Variants in CLK3 observed in about 807,000 individuals in gnomAD.
The protein encoded by CLK3 is dual specificity protein kinase CLK3.
A neutral mutation model predicts 65.2 loss-of-function variants in CLK3; 24 were observed. The observed-to-expected ratio is 0.37, with a 90% confidence interval of 0.27 to 0.52. The LOEUF (loss-of-function observed/expected upper bound fraction) is 0.52, where lower values mean the gene tolerates loss of function less well. CLK3 is among the 20% of genes least tolerant of loss of function. The pLI is 0.92. For synonymous variants in CLK3, 252 were observed against 240.8 expected, an observed-to-expected ratio of 1.05 and a Z score of -0.43; for missense variants, 506 against 660.0, an observed-to-expected ratio of 0.77 and a Z score of 2.56.
chr15:74,618,357 T>G (rs756462765), intron 1 of CLK3, among the ~76,000 whole-genome samples: 1 of 152,104 alleles, frequency 6.6e-6, no homozygotes, highest in Non-Finnish European at 1.5e-5. Flanking sequence ...GTGGGGCTCT[T>G]TTACCTGCCA....
upstream of CLK3, among the ~76,000 whole-genome samples, chr15:74,612,348 G>GA (rs1034826952): frequency 2.6e-4 from 40 of 152,170 alleles, no homozygotes; most frequent in Non-Finnish European, 1.2e-4. Flanking sequence ...TGGAGGCCCT[G>GA]ACGGACCTCT....
intron 3 of CLK3, chr15:74,620,578 G>A: frequency 2.8e-6 from 1 of 359,254 alleles, no homozygotes; most frequent in Non-Finnish European, 5.2e-6. Context: ...TGGCTGGTAT[G>A]GTGGTCTGCA....
Position 74,627,343 on chromosome 15 carries a change from C to T in CLK3, c.818-9C>T, listed in dbSNP as rs374960235. The T allele has an allele frequency of 1.6e-5, 26 of 1,609,812 alleles. No individual in the cohort carries two copies. The African/African-American group carries it at 3.1e-4, about 19-fold the overall frequency. Reference sequence around the variant, plus strand: ...GTGCCTACTTCCCCTTCTTTCCCTGCTACCTTAGTTCTGCATGAGAATCAG... The same window carrying T: ...GTGCCTACTTCCCCTTCTTTCCCTGTTACCTTAGTTCTGCATGAGAATCAG... On this transcript the variant is annotated splice_polypyrimidine_tract_variant and intron_variant, in intron 7 of 12. Coordinates refer to ENST00000395066, the MANE Select transcript of CLK3 (RefSeq NM_001130028.2). The surrounding 1 kb of genome is among the most constrained non-coding windows in gnomAD (Gnocchi z 4.3).
intron 1 of CLK3, among the ~76,000 whole-genome samples, chr15:74,610,749 C>T (rs962005495): frequency 5.9e-5 from 9 of 152,260 alleles, no homozygotes; most frequent in African/African-American, 2.2e-4. Context: ...ACTGCTGTGG[C>T]ATGCTAAAGG....
chr15:74,609,654 G>T (rs922593075), intron 1 of CLK3, among the ~76,000 whole-genome samples: 1 of 152,256 alleles, frequency 6.6e-6, no homozygotes, highest in Admixed American at 6.5e-5. Context: ...CTGAGCCTGG[G>T]CAGGGGTCTC....
At chr15:74,623,379 A>G (rs545103886) in intron 5 of CLK3, among the ~76,000 whole-genome samples, 1 of 152,348 alleles carries the variant, frequency 6.6e-6, no homozygotes, top group South Asian at 2.1e-4. Flanking sequence ...ATGAATAAAC[A>G]TGCTCAGGGT....
intron 1 of CLK3, among the ~76,000 whole-genome samples, chr15:74,617,074 A>C (rs1268451526): frequency 6.6e-6 from 1 of 152,200 alleles, no homozygotes; most frequent in Non-Finnish European, 1.5e-5. Context: ...CTTGCCTAGA[A>C]TGTGTTAAAG....
intron 12 of CLK3, 115 bp downstream of exon 12, chr15:74,629,147 T>G: frequency 8.4e-6 from 7 of 831,812 alleles, no homozygotes; most frequent in East Asian, 2.5e-5. Context: ...GATCCAGCTC[T>G]ATGGGAGGCG....
chr15:74,625,789 C>G lies in CLK3; in HGVS notation c.651-13C>G. The G allele has an allele frequency of 6.5e-7, 1 of 1,530,638 alleles. No homozygotes were observed. The highest frequency in any genetic ancestry group is 8.9e-7 in the Non-Finnish European group (1 of 1,124,236). The allele number at this position is 1,530,638 out of a possible 1,614,324, so 94.8% of individuals were successfully genotyped here. A position where few individuals can be genotyped will look rare whatever the true frequency, so the allele number is the denominator to read the frequency against. The stretch of plus-strand genomic sequence containing the variant: ...AGCACACAGCCTGAGCCCTGCCCAT[C>G]CTCCTCCTCCAGCCTGTGTGTCTTG... On this transcript the variant is annotated splice_polypyrimidine_tract_variant and intron_variant, in intron 6 of 12. Coordinates refer to ENST00000395066, the MANE Select transcript of CLK3 (RefSeq NM_001130028.2).
Position 74,628,585 on chromosome 15 carries a change from T to C in CLK3, c.1126-19T>C. On this transcript the variant is annotated intron_variant, in intron 10 of 12. Transcript: ENST00000395066. ...AGAGCTAGTACTGACCCCCTTGCACTGTCCCTAATCTTCCACAGACCCACG... is the reference window on the plus strand; with the variant it reads ...AGAGCTAGTACTGACCCCCTTGCACCGTCCCTAATCTTCCACAGACCCACG... 1 of 1,602,526 alleles carries C rather than the reference T, an allele frequency of 6.2e-7. No individual in the cohort carries two copies. Among genetic ancestry groups the C allele is most frequent in the Non-Finnish European group, 8.5e-7 (1 of 1,171,238 alleles).
intron 1 of CLK3, among the ~76,000 whole-genome samples, chr15:74,617,453 A>G (rs989254251): frequency 6.6e-6 from 1 of 152,270 alleles, no homozygotes; most frequent in Non-Finnish European, 1.5e-5. Context: ...TAATCCTCAC[A>G]GAACCTTGTA....
chr15:74,615,101 G>A, upstream of CLK3: 1 of 273,286 alleles, frequency 3.7e-6, no homozygotes, highest in Non-Finnish European at 6.8e-6. Flanking sequence ...TGCAAAAGGG[G>A]GCTGTCCAGT....
At chr15:74,620,248 T>C in intron 3 of CLK3, 23 bp downstream of exon 3, 1 of 1,612,838 alleles carries the variant, frequency 6.2e-7, no homozygotes, top group Non-Finnish European at 8.5e-7. Context: ...CAGAGTGTGC[T>C]GGCTGGGGCT....
upstream of CLK3, among the ~76,000 whole-genome samples, chr15:74,613,844 G>C (rs528392041): frequency 6.6e-6 from 1 of 152,318 alleles, no homozygotes; most frequent in South Asian, 2.1e-4. Context: ...CATCTGAGCT[G>C]ATGAAACCCC....
chr15:74,619,105 C>T lies in CLK3; in HGVS notation c.1-92C>T, dbSNP rs963837831. 69 of 1,509,666 alleles carry T rather than the reference C, an allele frequency of 4.6e-5. 1 individual carries two copies. The Middle Eastern group carries it at 1.2e-3, about 27-fold the overall frequency. The allele number at this position is 1,509,666 out of a possible 1,614,324, so 93.5% of individuals were successfully genotyped here. ...GCCGCCTTCAAACAGAACAATGGGC[C>T]TCTTCAGGAGCAACCGGGAAGCCCC... On this transcript the variant is annotated intron_variant, in intron 1 of 12. Transcript: ENST00000395066.
Position 74,627,729 on chromosome 15 carries a change from A to G in CLK3, c.1042+61A>G. On this transcript the variant is annotated intron_variant, in intron 9 of 12. Transcript: ENST00000395066. This position sits in a 1 kb window ranked among gnomAD's most constrained non-coding sequence, Gnocchi z 4.3. The stretch of plus-strand genomic sequence containing the variant: ...GGACTGTTGTTGGGAGGGTATGAGC[A>G]GAGGCAGTGGCATGCCTGTCATTCT... 2 of 1,601,714 alleles carry G rather than the reference A, an allele frequency of 1.2e-6. 1 individual carries two copies. The highest frequency in any genetic ancestry group is 1.7e-6 in the Non-Finnish European group (2 of 1,171,050).
intron 6 of CLK3, among the ~76,000 whole-genome samples, 173 bp downstream of exon 6, chr15:74,625,191 C>T (rs1036356642): frequency 1.1e-4 from 16 of 152,156 alleles, no homozygotes; most frequent in African/African-American, 3.4e-4. Context: ...GTCTTCACCC[C>T]AGCTGTCTCT....
chr15:74,628,579 T>G, intron 10 of CLK3, 25 bp from the exon 11 acceptor site: 1 of 1,590,794 alleles, frequency 6.3e-7, no homozygotes, highest in Non-Finnish European at 8.6e-7. Flanking sequence ...ACTGACCCCC[T>G]TGCACTGTCC....
rs566031495 is a variant in CLK3 at position 74,610,382 on chromosome 15, G to C, written c.-1+1956G>C. 4.9e-4 allele frequency among the ~76,000 whole-genome samples: 74 copies of C among 152,320 alleles called. 1 individual carries two copies. The highest frequency in any genetic ancestry group is 1.7e-3 in the African/African-American group (70 of 41,580). ...TGCATCTGGTGCCTCTCCTGCTCCA[G>C]GCAGGCCAGGGAGCACTCCACCTGC... On this transcript the variant is annotated intron_variant, in intron 1 of 12. Coordinates refer to the CLK3 transcript ENST00000345005.
Sources: allele counts gnomAD v4.1 joint callset (sites outside exome capture counted in the v4.1 genomes callset), GRCh38; gene constraint gnomAD v4.1.1; non-coding constraint Gnocchi (gnomAD v3.1); transcripts MANE v1.5; gene names NCBI Gene and HGNC (gene_info 2026-07-23, HGNC 2026-07-21).